Variants in ZSWIM5 observed in about 807,000 individuals in gnomAD.
ZSWIM5 encodes the protein zinc finger SWIM domain-containing protein 5.
In ZSWIM5, 55 loss-of-function variants were observed where a neutral mutation model predicts 119.6. That is an observed-to-expected ratio of 0.46 (90% CI 0.37 to 0.58). The LOEUF (loss-of-function observed/expected upper bound fraction) is 0.58, where lower values mean the gene tolerates loss of function less well. ZSWIM5 is among the 20% of genes least tolerant of loss of function. The probability of loss-of-function intolerance (pLI) is 0.00; values close to 1 mark genes in which losing one functional copy is unlikely to be tolerated. For synonymous variants in ZSWIM5, 537 were observed against 606.9 expected, an observed-to-expected ratio of 0.88 and a Z score of 1.69; for missense variants, 1,193 against 1,512.8, an observed-to-expected ratio of 0.79 and a Z score of 3.51.
intron 1 of ZSWIM5, among the ~76,000 whole-genome samples, chr1:45,153,093 TAAAAAAA>T (rs76324771): frequency 0.011 from 1,172 of 105,864 alleles, 18 homozygotes; most frequent in African/African-American, 0.034. Flanking sequence ...ATTAAAAAGT[TAAAAAAA>T]AAAAAAAAAA....
At chr1:45,046,634 A>ATGTGTGTG (rs60762459) in intron 5 of ZSWIM5, among the ~76,000 whole-genome samples, 3,573 of 147,478 alleles carry the variant, frequency 0.024, 108 homozygotes, top group African/African-American at 0.07. Context: ...TGGGCAAGAT[A>ATGTGTGTG]TGTGTGTGTG....
chr1:45,070,137 C>T, intron 2 of ZSWIM5: 3 of 1,123,600 alleles, frequency 2.7e-6, no homozygotes, highest in South Asian at 2.5e-5. Context: ...GAAACCTAAA[C>T]CTCCCACTGT....
chr1:45,070,878 T>G lies in ZSWIM5; in HGVS notation c.953-10631A>C, dbSNP rs1472581771. The stretch of plus-strand genomic sequence containing the variant: ...TAGAACATTGATTATTTTACAGGTA[T>G]CGTGCTTGGTGAGGGACACTCAGAA... On this transcript the variant is annotated intron_variant, in intron 2 of 13. Coordinates refer to ENST00000359600, the MANE Select transcript of ZSWIM5 (RefSeq NM_020883.2). Among the ~76,000 whole-genome samples, 5 of 152,372 alleles carry G rather than the reference T, an allele frequency of 3.3e-5. No individual in the cohort carries two copies. The South Asian group carries it at 6.2e-4, about 19-fold the overall frequency.
intron 1 of ZSWIM5, among the ~76,000 whole-genome samples, chr1:45,167,858 AC>A (rs756688582): frequency 4.6e-5 from 7 of 152,142 alleles, no homozygotes; most frequent in Non-Finnish European, 8.8e-5. Flanking sequence ...AAACAGGAAC[AC>A]TTTTCCACTG....
intron 1 of ZSWIM5, among the ~76,000 whole-genome samples, chr1:45,107,408 G>A (rs1409944537): frequency 1.3e-5 from 2 of 151,966 alleles, no homozygotes; most frequent in South Asian, 2.1e-4. Context: ...GGAGGCTGAG[G>A]CGGGTGGATC....
intron 4 of ZSWIM5, among the ~76,000 whole-genome samples, chr1:45,053,869 G>A (rs1054540993): frequency 6.7e-6 from 1 of 148,278 alleles, no homozygotes; most frequent in South Asian, 2.2e-4. Flanking sequence ...TTATAAATTT[G>A]TTTCAATACA....
rs56139314 is a variant in ZSWIM5, at chr1:45,083,662, T to C, written c.952+4219A>G. Among the ~76,000 whole-genome samples, 833 of 152,344 alleles carry C rather than the reference T, an allele frequency of 5.5e-3. 5 individuals are homozygous for C. Among genetic ancestry groups the C allele is most frequent in the African/African-American group, 0.018 (740 of 41,566 alleles). On this transcript the variant is annotated intron_variant, in intron 2 of 13. Coordinates refer to ENST00000359600, the MANE Select transcript of ZSWIM5 (RefSeq NM_020883.2). ...TCTATTATACAGGCCACCCACCTGG[T>C]CTCATTGCCTCTTTCACACTAGTAG...
intron 1 of ZSWIM5, among the ~76,000 whole-genome samples, chr1:45,150,477 G>T (rs1381203268): frequency 2.0e-5 from 3 of 152,144 alleles, no homozygotes; most frequent in Non-Finnish European, 2.9e-5. Context: ...GACCGAGCAT[G>T]CTGAGTTTGA....
At chr1:45,148,206 G>A (rs978971025) in intron 1 of ZSWIM5, among the ~76,000 whole-genome samples, 4 of 152,014 alleles carry the variant, frequency 2.6e-5, no homozygotes, top group African/African-American at 9.7e-5. Context: ...AAAAAATAAT[G>A]TTACATATGC....
At chr1:45,109,574 T>A (rs937879947) in intron 1 of ZSWIM5, among the ~76,000 whole-genome samples, 10 of 152,020 alleles carry the variant, frequency 6.6e-5, no homozygotes, top group Non-Finnish European at 1.5e-4. Flanking sequence ...TGAAACCCTG[T>A]CTCTACCAAA....
intron 2 of ZSWIM5, among the ~76,000 whole-genome samples, chr1:45,060,796 T>G (rs1031155144): frequency 6.6e-6 from 1 of 152,104 alleles, no homozygotes; most frequent in Non-Finnish European, 1.5e-5. Flanking sequence ...CACCTCAGCC[T>G]CCCAAGTAGG....
chr1:45,100,125 A>T lies in ZSWIM5; in HGVS notation c.596-11888T>A, dbSNP rs574840691. On this transcript the variant is annotated intron_variant, in intron 1 of 13. Transcript: ENST00000359600. ...ATCAAATTGTCCCTGTTTGCAGATG[A>T]CATGGGTGTATATTTAGAAAACTCC... Among the ~76,000 whole-genome samples, 5 of 152,374 alleles carry T rather than the reference A, an allele frequency of 3.3e-5. 1 individual carries two copies. Among genetic ancestry groups the T allele is most frequent in the Admixed American group, 1.3e-4 (2 of 15,308 alleles).
At chr1:45,196,028 C>G (rs1646120095) in intron 1 of ZSWIM5, among the ~76,000 whole-genome samples, 1 of 133,116 alleles carries the variant, frequency 7.5e-6, no homozygotes, top group Non-Finnish European at 1.7e-5. Context: ...CCGTTACACC[C>G]AGCTAGTTTT....
In ZSWIM5 at chr1:45,031,708, C is replaced by T. The variant is rs537306961; in HGVS notation, c.2449+2604G>A. Among the ~76,000 whole-genome samples, 5 of 151,868 alleles carry T rather than the reference C, an allele frequency of 3.3e-5. No individual in the cohort carries two copies. In the East Asian group the frequency reaches 5.9e-4, roughly 18 times the overall value. On this transcript the variant is annotated intron_variant, in intron 11 of 13. Coordinates refer to ENST00000359600, the MANE Select transcript of ZSWIM5 (RefSeq NM_020883.2). ...CAAAAAAATTAGCCGGGCGTGGTGG[C>T]GGGCACCCGTAGTCCCAGCTACTCG...
intron 2 of ZSWIM5, among the ~76,000 whole-genome samples, chr1:45,076,220 T>G (rs532586057): frequency 9.8e-5 from 15 of 152,350 alleles, no homozygotes; most frequent in African/African-American, 3.4e-4. Context: ...GTTCTGTACC[T>G]TCATATGATT....
intron 11 of ZSWIM5, among the ~76,000 whole-genome samples, chr1:45,031,671 C>T (rs886651182): frequency 1.3e-5 from 2 of 151,740 alleles, no homozygotes; most frequent in Admixed American, 1.3e-4. Flanking sequence ...AATCCCACCT[C>T]TACTAAAAAT....
intron 1 of ZSWIM5, among the ~76,000 whole-genome samples, chr1:45,155,784 G>T (rs1417073654): frequency 6.6e-6 from 1 of 152,170 alleles, no homozygotes; most frequent in Non-Finnish European, 1.5e-5. Context: ...ACTCAGGAAT[G>T]GAAAACCAAA....
chr1:45,152,958 C>T (rs1228559676), intron 1 of ZSWIM5, among the ~76,000 whole-genome samples: 1 of 151,818 alleles, frequency 6.6e-6, no homozygotes, highest in Non-Finnish European at 1.5e-5. Flanking sequence ...CAAACAGACA[C>T]TTCTCAAAAG....
At chr1:45,115,379 G>C (rs1185020105) in intron 1 of ZSWIM5, among the ~76,000 whole-genome samples, 1 of 151,896 alleles carries the variant, frequency 6.6e-6, no homozygotes. Flanking sequence ...TCACTTCCCA[G>C]ACTGGGCGGC....
Sources: allele counts gnomAD v4.1 joint callset (sites outside exome capture counted in the v4.1 genomes callset), GRCh38; gene constraint gnomAD v4.1.1; transcripts MANE v1.5; gene names NCBI Gene and HGNC (gene_info 2026-07-23, HGNC 2026-07-21).